The following FER variants were observed in gnomAD, a reference collection of about 807,000 sequenced individuals.
FER encodes the protein FER tyrosine kinase, also known as tyrosine-protein kinase Fer.
In FER, 63 loss-of-function variants were observed where a neutral mutation model predicts 111.0. The observed-to-expected ratio is 0.57, with a 90% CI of 0.46 to 0.70. The LOEUF is 0.70. Ranked by LOEUF, FER falls within the 30% of genes least tolerant of loss-of-function variation. FER has a pLI of 0.00. For missense variants in FER, 914 were observed against 954.0 expected (o/e 0.96, Z 0.55); for synonymous variants, 327 against 313.9 (o/e 1.04, Z -0.44).
At chr5:108,849,311 TAC>T (rs1561509908) in intron 5 of FER, among the ~76,000 whole-genome samples, 3 of 152,180 alleles carry the variant, frequency 2.0e-5, no homozygotes, top group African/African-American at 7.2e-5. Flanking sequence ...GTAGTTCTCT[TAC>T]AGACTCCTAA....
At chr5:109,182,202 T>A (rs1304758989) in intron 18 of FER, among the ~76,000 whole-genome samples, 1 of 152,200 alleles carries the variant, frequency 6.6e-6, no homozygotes, top group Non-Finnish European at 1.5e-5. Flanking sequence ...CATATGGTAA[T>A]TTTATGTTTA....
At chr5:109,172,152 A>G (rs1231421939) in intron 17 of FER, among the ~76,000 whole-genome samples, 1 of 152,082 alleles carries the variant, frequency 6.6e-6, no homozygotes, top group Non-Finnish European at 1.5e-5. Context: ...CCAAAGGACT[A>G]TAAATCATGC....
chr5:109,024,911 T>G (rs1156931499), intron 13 of FER, among the ~76,000 whole-genome samples: 1 of 150,652 alleles, frequency 6.6e-6, no homozygotes, highest in East Asian at 1.9e-4. Context: ...CTCAGGTTTG[T>G]CAAAGATCAG....
intron 9 of FER, among the ~76,000 whole-genome samples, chr5:108,896,557 TCTA>T: frequency 6.6e-6 from 1 of 152,300 alleles, no homozygotes; most frequent in South Asian, 2.1e-4. Context: ...GACTTTTTTC[TCTA>T]CTGTTTGTTA....
chr5:109,078,796 A>G (rs1776660366), intron 16 of FER, among the ~76,000 whole-genome samples: 1 of 152,142 alleles, frequency 6.6e-6, no homozygotes, highest in South Asian at 2.1e-4. Context: ...GAACATCTCC[A>G]CTATTTTCTC....
intron 17 of FER, among the ~76,000 whole-genome samples, chr5:109,165,593 G>GGTGTGTGTGTGTGTGTGT (rs66749153): frequency 7.0e-6 from 1 of 142,246 alleles, no homozygotes; most frequent in Non-Finnish European, 1.5e-5. Flanking sequence ...GGAGGGAACT[G>GGTGTGTGTGTGTGTGTGT]GTGTGTGTGT....
chr5:109,034,260 G>C (rs1250616252), intron 13 of FER, among the ~76,000 whole-genome samples: 1 of 152,040 alleles, frequency 6.6e-6, no homozygotes, highest in Non-Finnish European at 1.5e-5. Flanking sequence ...AATTATCTAA[G>C]GACACTGAAA....
In FER at chr5:109,031,585, A is replaced by T. The variant is rs140961151; in HGVS notation, c.1657-5837A>T. Among the ~76,000 whole-genome samples, 128 of 152,274 alleles carry T rather than the reference A, an allele frequency of 8.4e-4. 1 individual carries two copies. Among genetic ancestry groups the T allele is most frequent in the African/African-American group, 2.9e-3 (122 of 41,564 alleles). ...ACTTGATTCCTTGTTTAAGCTCTCC[A>T]TGGCCTGGTTAGAAAGTACATTTCT... On this transcript the variant is annotated intron_variant, in intron 13 of 19. Transcript: ENST00000281092.
At chr5:109,121,682 C>G (rs1441605399) in intron 17 of FER, among the ~76,000 whole-genome samples, 2 of 151,900 alleles carry the variant, frequency 1.3e-5, no homozygotes, top group African/African-American at 4.8e-5. Context: ...TAATATTTTT[C>G]TTTAAATGTT....
intron 13 of FER, among the ~76,000 whole-genome samples, chr5:108,960,556 T>C (rs1055925009): frequency 6.6e-6 from 1 of 152,006 alleles, no homozygotes; most frequent in Non-Finnish European, 1.5e-5. Context: ...AAAATATATA[T>C]ATATATAAAT....
rs77538958 is a variant in FER, at chr5:108,979,360, G to A, written c.1656+20013G>A. ...TCTCTTTCCCTGAATTTCATTTTCT[G>A]TACCTACTTCACAGTGTTGTTGGAA... On this transcript the variant is annotated intron_variant, in intron 13 of 19. Coordinates refer to ENST00000281092, the MANE Select transcript of FER (RefSeq NM_005246.4). Among the ~76,000 whole-genome samples, 1,488 of 152,130 alleles carry A rather than the reference G, an allele frequency of 9.8e-3. 77 individuals carry two copies. The highest frequency in any genetic ancestry group is 0.076 in the Admixed American group (1,161 of 15,270).
chr5:108,836,589 T>A (rs1760685132), intron 5 of FER, among the ~76,000 whole-genome samples: 2 of 152,202 alleles, frequency 1.3e-5, no homozygotes, highest in South Asian at 4.1e-4. Flanking sequence ...ATCTCTATTT[T>A]ATTTTGGTTC....
At position 108,822,674 on chromosome 5, in the gene FER, C is replaced by T. The variant is rs193288898; in HGVS notation, c.208-10096C>T. 4.2e-3 allele frequency among the ~76,000 whole-genome samples: 645 copies of T among 151,806 alleles called. 1 individual carries two copies. The highest frequency in any genetic ancestry group is 6.7e-3 in the Non-Finnish European group (454 of 67,946). On this transcript the variant is annotated intron_variant, in intron 3 of 19. Transcript: ENST00000281092. ...AACACCTTCCATTAGGCCCTACCTA[C>T]CAATACCACCACATTGGGGATCAAA...
chr5:108,814,147 T>C (rs532949921), intron 3 of FER, among the ~76,000 whole-genome samples: 91 of 152,304 alleles, frequency 6.0e-4, no homozygotes, highest in Admixed American at 1.2e-3. Flanking sequence ...AGTCACTTAT[T>C]TCATTTATTT....
intron 13 of FER, among the ~76,000 whole-genome samples, chr5:109,006,407 C>T (rs780551189): frequency 7.9e-5 from 12 of 152,154 alleles, no homozygotes; most frequent in Admixed American, 3.3e-4. Context: ...TGCAAGTGTT[C>T]TCTTGCCTAC....
Position 108,835,195 on chromosome 5 carries a change from C to CA in FER, c.382-513_382-512insA, listed in dbSNP as rs1554074801. On this transcript the variant is annotated intron_variant, in intron 4 of 19. Coordinates refer to ENST00000281092, the MANE Select transcript of FER (RefSeq NM_005246.4). ...TCTTCGTTTGCGCCACCCCCCCCCC[C>CA]CCACTTTTTTTTTGAGTCAAGTTTC... is the stretch of plus-strand genomic sequence containing the variant. Among the ~76,000 whole-genome samples, 3 of 126,978 alleles carry CA rather than the reference C, an allele frequency of 2.4e-5. No homozygotes were observed. In the East Asian group the frequency reaches 6.7e-4, roughly 29 times the overall value. The allele number at this position is 126,978 out of a possible 152,430, so 83.3% of individuals were successfully genotyped here.
At chr5:109,164,956 C>G (rs1221517717) in intron 17 of FER, among the ~76,000 whole-genome samples, 1 of 152,124 alleles carries the variant, frequency 6.6e-6, no homozygotes, top group African/African-American at 2.4e-5. Context: ...TTTTTCCTCC[C>G]CATCTCTTCC....
intron 13 of FER, among the ~76,000 whole-genome samples, chr5:108,990,613 T>C (rs1355665941): frequency 6.6e-6 from 1 of 151,622 alleles, no homozygotes; most frequent in Non-Finnish European, 1.5e-5. Flanking sequence ...AATGTATAAA[T>C]ATTTGGGAAG....
At chr5:109,032,504 G>C (rs1004852200) in intron 13 of FER, among the ~76,000 whole-genome samples, 2 of 151,776 alleles carry the variant, frequency 1.3e-5, no homozygotes, top group African/African-American at 4.8e-5. Context: ...CTTGTCTCAG[G>C]GTCTGCTTCT....
Sources: gnomAD v4.1 joint callset for allele counts (sites outside exome capture counted in the v4.1 genomes callset) on GRCh38, gnomAD v4.1.1 for gene constraint, MANE v1.5 for transcripts, NCBI Gene and HGNC (gene_info 2026-07-23, HGNC 2026-07-21) for gene names.